STAT1: variants seen among roughly 807,000 people sequenced by gnomAD.
STAT1 encodes the protein signal transducer and activator of transcription 1-alpha/beta.
A neutral mutation model predicts 111.7 loss-of-function variants in STAT1; 24 were observed. That is an observed-to-expected ratio of 0.21 (90% CI 0.16 to 0.30). The LOEUF is 0.30. Ranked by LOEUF, STAT1 falls within the 10% of genes least tolerant of loss-of-function variation. The pLI, the probability that STAT1 is intolerant of heterozygous loss-of-function variation, is 1.00. For missense variants in STAT1, 351 were observed against 911.9 expected, an observed-to-expected ratio of 0.38 and a Z score of 7.92; for synonymous variants, 332 against 326.5, an observed-to-expected ratio of 1.02 and a Z score of -0.18.
intron 24 of STAT1, among the ~76,000 whole-genome samples, chr2:190,972,414 C>A (rs1691561183): frequency 6.6e-6 from 1 of 152,198 alleles, no homozygotes; most frequent in Non-Finnish European, 1.5e-5. Flanking sequence ...CTGCAGAGAA[C>A]ACTGGTGCTC....
rs1314638219 is a variant in STAT1, at chr2:191,000,861, A to G, written c.462+213T>C. On this transcript the variant is annotated intron_variant, in intron 6 of 24. Coordinates refer to ENST00000361099, the MANE Select transcript of STAT1 (RefSeq NM_007315.4). The surrounding 1 kb of genome is among the most constrained non-coding windows in gnomAD (Gnocchi z 4.8). ...TTCAGGGAAGAAAAAGCTAAACTCAATGTTTGGCAGTTATAAGAGGCCATT... is the reference window on the plus strand; with the variant it reads ...TTCAGGGAAGAAAAAGCTAAACTCAGTGTTTGGCAGTTATAAGAGGCCATT... 6.6e-6 allele frequency among the ~76,000 whole-genome samples: 1 copy of G among 152,052 alleles called. No individual in the cohort carries two copies. Among genetic ancestry groups the G allele is most frequent in the Non-Finnish European group, 1.5e-5 (1 of 67,986 alleles).
chr2:190,994,879 G>T (rs1428472539), intron 10 of STAT1, among the ~76,000 whole-genome samples, 182 bp downstream of exon 10: 1 of 139,502 alleles, frequency 7.2e-6, no homozygotes, highest in Non-Finnish European at 1.5e-5. Context: ...TCACGCCACT[G>T]CACTCTAGCC....
rs142603197 is a variant in STAT1 at position 191,007,716 on chromosome 2, T to C, written c.274-55A>G. On this transcript the variant is annotated intron_variant, in intron 4 of 24. Coordinates refer to ENST00000361099, the MANE Select transcript of STAT1 (RefSeq NM_007315.4). This position sits in a 1 kb window ranked among gnomAD's most constrained non-coding sequence, Gnocchi z 4.2. Reference sequence around the variant, plus strand: ...ATTAAAATGCAGAATGTTTACTTTATTGTGTATTGTAAGTTGATATGAATT... The same window carrying C: ...ATTAAAATGCAGAATGTTTACTTTACTGTGTATTGTAAGTTGATATGAATT... 5.4e-6 allele frequency: 7 copies of C among 1,288,880 alleles called. No homozygotes were observed. The East Asian group carries it at 1.2e-4, about 21-fold the overall frequency. 79.8% of individuals were successfully genotyped at this position (1,288,880 alleles called of 1,614,324 possible).
chr2:190,988,333 C>T (rs912570051), intron 12 of STAT1, among the ~76,000 whole-genome samples: 2 of 152,178 alleles, frequency 1.3e-5, no homozygotes, highest in Non-Finnish European at 2.9e-5. Context: ...ACCTACAACT[C>T]ACAGAATATG....
chr2:190,994,160 G>T (rs967489552), intron 10 of STAT1, among the ~76,000 whole-genome samples: 1 of 152,186 alleles, frequency 6.6e-6, no homozygotes, highest in Admixed American at 6.5e-5. Flanking sequence ...GGAAGAGGAA[G>T]TATCCTCAGG....
Position 190,981,150 on chromosome 2 carries a change from C to T in STAT1, c.1583-481G>A, listed in dbSNP as rs1277603193. Among the ~76,000 whole-genome samples, 1 of 152,152 alleles carries T rather than the reference C, an allele frequency of 6.6e-6. No individual in the cohort carries two copies. The highest frequency in any genetic ancestry group is 2.4e-5 in the African/African-American group (1 of 41,430). Reference sequence around the variant, plus strand: ...TGTTCTGCTGGGCCTCCTAGAGAAGCCTCCCTATCCAGTGCCTCTTCCCAC... The same window carrying T: ...TGTTCTGCTGGGCCTCCTAGAGAAGTCTCCCTATCCAGTGCCTCTTCCCAC... On this transcript the variant is annotated intron_variant, in intron 18 of 24. Transcript: ENST00000361099. The surrounding 1 kb of genome is among the most constrained non-coding windows in gnomAD (Gnocchi z 4.1).
chr2:190,974,311 G>A lies in STAT1; in HGVS notation c.2238+519C>T, dbSNP rs41392944. On this transcript the variant is annotated intron_variant, in intron 24 of 24. Coordinates refer to ENST00000361099, the MANE Select transcript of STAT1 (RefSeq NM_007315.4). This position sits in a 1 kb window ranked among gnomAD's most constrained non-coding sequence, Gnocchi z 4.8. ...TTCACTCCTTGAACCTTTTACTCTTGGCAAGCCCTTCACAGCCCCAGGAGC... is the reference window on the plus strand; with the variant it reads ...TTCACTCCTTGAACCTTTTACTCTTAGCAAGCCCTTCACAGCCCCAGGAGC... Among the ~76,000 whole-genome samples the A allele has an allele frequency of 5.7e-3, 860 of 152,144 alleles. 13 individuals are homozygous for A. Among genetic ancestry groups the A allele is most frequent in the African/African-American group, 0.018 (758 of 41,508 alleles).
chr2:190,975,045 A>G lies in STAT1; in HGVS notation c.2136-113T>C. On this transcript the variant is annotated intron_variant, in intron 23 of 24. Coordinates refer to ENST00000361099, the MANE Select transcript of STAT1 (RefSeq NM_007315.4). This position sits in a 1 kb window ranked among gnomAD's most constrained non-coding sequence, Gnocchi z 5.9. ...AATTGAATTATCACGTTATATTTTTATTTTGGGTAAGTGCATACACTTGTA... is the reference window on the plus strand; with the variant it reads ...AATTGAATTATCACGTTATATTTTTGTTTTGGGTAAGTGCATACACTTGTA... 2.2e-6 allele frequency: 2 copies of G among 919,128 alleles called. No individual in the cohort carries two copies. The highest frequency in any genetic ancestry group is 3.5e-6 in the Non-Finnish European group (2 of 571,760). 56.9% of individuals were successfully genotyped at this position (919,128 alleles called of 1,614,324 possible). A position where few individuals can be genotyped will look rare whatever the true frequency, so the allele number is the denominator to read the frequency against.
Position 190,989,682 on chromosome 2 carries a change from GA to G in STAT1, c.1038-9del. 2 of 1,591,478 alleles carry G rather than the reference GA, an allele frequency of 1.3e-6. No individual in the cohort carries two copies. Among genetic ancestry groups the G allele is most frequent in the Non-Finnish European group, 1.7e-6 (2 of 1,164,756 alleles). On this transcript the variant is annotated splice_polypyrimidine_tract_variant and intron_variant, in intron 11 of 24. Transcript: ENST00000361099. This position sits in a 1 kb window ranked among gnomAD's most constrained non-coding sequence, Gnocchi z 5.0. ...TGCAATTTCACCAACAGTCTGGAAA[GA>G]AAAATAAAAGCCATTACTTAAAAAA...
Position 190,981,451 on chromosome 2 carries a change from C to T in STAT1, c.1583-782G>A, listed in dbSNP as rs183726400. 1.0e-3 allele frequency among the ~76,000 whole-genome samples: 155 copies of T among 152,240 alleles called. No homozygotes were observed. The highest frequency in any genetic ancestry group is 2.5e-3 in the African/African-American group (102 of 41,520). Reference sequence around the variant, plus strand: ...GCTACACAAATTAAAGCAGCCTGGGCGAGAAGAGGCGGTAAGCCCATTATC... The same window carrying T: ...GCTACACAAATTAAAGCAGCCTGGGTGAGAAGAGGCGGTAAGCCCATTATC... On this transcript the variant is annotated intron_variant, in intron 18 of 24. Coordinates refer to ENST00000361099, the MANE Select transcript of STAT1 (RefSeq NM_007315.4). This position sits in a 1 kb window ranked among gnomAD's most constrained non-coding sequence, Gnocchi z 4.1.
At position 191,007,713 on chromosome 2, in the gene STAT1, T is replaced by C. The variant is rs754700252; in HGVS notation, c.274-52A>G. 1 of 1,296,550 alleles carries C rather than the reference T, an allele frequency of 7.7e-7. No homozygotes were observed. The highest frequency in any genetic ancestry group is 1.1e-6 in the Non-Finnish European group (1 of 894,816). 80.3% of individuals were successfully genotyped at this position (1,296,550 alleles called of 1,614,324 possible). On this transcript the variant is annotated intron_variant, in intron 4 of 24. Transcript: ENST00000361099. The surrounding 1 kb of genome is among the most constrained non-coding windows in gnomAD (Gnocchi z 4.2). ...TAAATTAAAATGCAGAATGTTTACT[T>C]TATTGTGTATTGTAAGTTGATATGA... is the stretch of plus-strand genomic sequence containing the variant.
Position 190,986,536 on chromosome 2 carries a change from C to G in STAT1, c.1221+318G>C, listed in dbSNP as rs566023377. ...ACAGTCAGGACACGGGAGCCATAACCTTTGAGAAAACTGCAAGCGTAGGTG... is the reference window on the plus strand; with the variant it reads ...ACAGTCAGGACACGGGAGCCATAACGTTTGAGAAAACTGCAAGCGTAGGTG... On this transcript the variant is annotated intron_variant, in intron 14 of 24. Coordinates refer to ENST00000361099, the MANE Select transcript of STAT1 (RefSeq NM_007315.4). This position sits in a 1 kb window ranked among gnomAD's most constrained non-coding sequence, Gnocchi z 5.0. Among the ~76,000 whole-genome samples, 27 of 152,308 alleles carry G rather than the reference C, an allele frequency of 1.8e-4. No individual in the cohort carries two copies. Among genetic ancestry groups the G allele is most frequent in the African/African-American group, 6.3e-4 (26 of 41,564 alleles).
Position 190,999,403 on chromosome 2 carries a change from C to A in STAT1, c.541+223G>T, listed in dbSNP as rs570885640. Among the ~76,000 whole-genome samples, 1 of 151,994 alleles carries A rather than the reference C, an allele frequency of 6.6e-6. No homozygotes were observed. Among genetic ancestry groups the A allele is most frequent in the Non-Finnish European group, 1.5e-5 (1 of 68,012 alleles). The stretch of plus-strand genomic sequence containing the variant: ...CTACTGGCATCTGGTGGGTAAAAGT[C>A]GGGGATGCTGTTAAACACGCTACAA... On this transcript the variant is annotated intron_variant, in intron 7 of 24. Transcript: ENST00000361099. The surrounding 1 kb of genome is among the most constrained non-coding windows in gnomAD (Gnocchi z 4.1).
rs1574643908 is a variant in STAT1 at position 190,982,176 on chromosome 2, C to T, written c.1582+207G>A. Among the ~76,000 whole-genome samples the T allele has an allele frequency of 2.6e-5, 4 of 152,162 alleles. No homozygotes were observed. The highest frequency in any genetic ancestry group is 1.9e-4 in the East Asian group (1 of 5,156). On this transcript the variant is annotated intron_variant, in intron 18 of 24. Transcript: ENST00000361099. This position sits in a 1 kb window ranked among gnomAD's most constrained non-coding sequence, Gnocchi z 7.3. ...AATCTTAATATGAGACAATGAGGAACGGATTCATTTAAATGTTATCAGGTC... is the reference window on the plus strand; with the variant it reads ...AATCTTAATATGAGACAATGAGGAATGGATTCATTTAAATGTTATCAGGTC...
rs965156487 is a variant in STAT1 at position 190,983,123 on chromosome 2, T to C, written c.1446+519A>G. On this transcript the variant is annotated intron_variant, in intron 17 of 24. Coordinates refer to ENST00000361099, the MANE Select transcript of STAT1 (RefSeq NM_007315.4). This position sits in a 1 kb window ranked among gnomAD's most constrained non-coding sequence, Gnocchi z 5.7. ...AATGTTAATGCCTCAACAAGTGTAT[T>C]AGATAAGGTGTCTTTAAACAGAAAC... Among the ~76,000 whole-genome samples the C allele has an allele frequency of 6.6e-6, 1 of 152,166 alleles. No homozygotes were observed. The highest frequency in any genetic ancestry group is 2.4e-5 in the African/African-American group (1 of 41,444).
rs763122792 is a variant in STAT1 at position 190,999,622 on chromosome 2, T to C, written c.541+4A>G. ...CGGGCACCACTTCAGTTGTGAACCC[T>C]TACCTCTGTTCTGCAAGGTTTTGCA... On this transcript the variant is annotated splice_donor_region_variant and intron_variant, in intron 7 of 24. Transcript: ENST00000361099. The surrounding 1 kb of genome is among the most constrained non-coding windows in gnomAD (Gnocchi z 4.1). 15 of 1,612,148 alleles carry C rather than the reference T, an allele frequency of 9.3e-6. No homozygotes were observed. In the South Asian group the frequency reaches 1.5e-4, roughly 17 times the overall value.
Position 190,984,278 on chromosome 2 carries a change from A to G in STAT1, c.1347+32T>C. ...TAACAATTAAAAGTAAAAATAATGA[A>G]GTTTTCCAACTCGGGACCATAAAAG... On this transcript the variant is annotated intron_variant, in intron 16 of 24. Coordinates refer to ENST00000361099, the MANE Select transcript of STAT1 (RefSeq NM_007315.4). The surrounding 1 kb of genome is among the most constrained non-coding windows in gnomAD (Gnocchi z 5.2). The G allele has an allele frequency of 6.6e-7, 1 of 1,524,064 alleles. No homozygotes were observed. Among genetic ancestry groups the G allele is most frequent in the Non-Finnish European group, 9.1e-7 (1 of 1,098,398 alleles). 94.4% of individuals were successfully genotyped at this position (1,524,064 alleles called of 1,614,324 possible).
intron 10 of STAT1, among the ~76,000 whole-genome samples, chr2:190,994,141 A>C (rs954118443): frequency 6.6e-6 from 1 of 152,234 alleles, no homozygotes; most frequent in Non-Finnish European, 1.5e-5. Context: ...CATGAAAAGA[A>C]GGCTCTGAGG....
At position 190,997,365 on chromosome 2, in the gene STAT1, C is replaced by G. The variant is rs41388645; in HGVS notation, c.785+491G>C. Among the ~76,000 whole-genome samples the G allele has an allele frequency of 3.3e-4, 50 of 152,326 alleles. No homozygotes were observed. Among genetic ancestry groups the G allele is most frequent in the African/African-American group, 9.6e-4 (40 of 41,574 alleles). On this transcript the variant is annotated intron_variant, in intron 9 of 24. Coordinates refer to ENST00000361099, the MANE Select transcript of STAT1 (RefSeq NM_007315.4). The surrounding 1 kb of genome is among the most constrained non-coding windows in gnomAD (Gnocchi z 7.3). ...AATTATTACCATGTCTACATCCCCC[C>G]CTCCACACTGAGAACTCCTTGTTGG...
Sources: gnomAD v4.1 joint callset for allele counts (sites outside exome capture counted in the v4.1 genomes callset) on GRCh38, gnomAD v4.1.1 for gene constraint, Gnocchi (gnomAD v3.1) non-coding constraint, MANE v1.5 for transcripts, NCBI Gene and HGNC (gene_info 2026-07-23, HGNC 2026-07-21) for gene names.